Variants in MAN2A1 observed in about 807,000 individuals in gnomAD.
MAN2A1 encodes the protein mannosidase alpha class 2A member 1.
A neutral mutation model predicts 142.6 loss-of-function variants in MAN2A1; 76 were observed. The ratio of observed to expected loss-of-function variants is 0.53; its 90% CI spans 0.44 to 0.65. The LOEUF (loss-of-function observed/expected upper bound fraction) is 0.65, where lower values mean the gene tolerates loss of function less well. MAN2A1 is among the 30% of genes least tolerant of loss of function. The probability of loss-of-function intolerance (pLI) is 0.00; values close to 1 mark genes in which losing one functional copy is unlikely to be tolerated. For synonymous variants in MAN2A1, 559 were observed against 473.2 expected, an observed-to-expected ratio of 1.18 and a Z score of -2.35; for missense variants, 1,311 against 1,365.1, an observed-to-expected ratio of 0.96 and a Z score of 0.62.
intron 5 of MAN2A1, among the ~76,000 whole-genome samples, chr5:109,759,962 T>TATAGATAG (rs1035592534): frequency 5.1e-3 from 250 of 49,480 alleles, no homozygotes; most frequent in Non-Finnish European, 6.1e-3. Context: ...TATATATATA[T>TATAGATAG]ATAGATAGAT....
At chr5:109,731,264 ATTC>A (rs992725646) in intron 4 of MAN2A1, among the ~76,000 whole-genome samples, 2 of 150,894 alleles carry the variant, frequency 1.3e-5, no homozygotes, top group African/African-American at 4.9e-5. Context: ...ATGATACATT[ATTC>A]TTTTTTTTTT....
intron 1 of MAN2A1, among the ~76,000 whole-genome samples, chr5:109,694,415 A>C (rs557283705): frequency 2.0e-4 from 31 of 151,234 alleles, no homozygotes; most frequent in African/African-American, 7.5e-4. Flanking sequence ...ATCACAGCTT[A>C]CTGCAGTGGC....
intron 20 of MAN2A1, among the ~76,000 whole-genome samples, chr5:109,861,977 A>G (rs1244221062): frequency 6.6e-6 from 1 of 152,208 alleles, no homozygotes; most frequent in Non-Finnish European, 1.5e-5. Flanking sequence ...ATATTTTAAT[A>G]CAAACTTATA....
At chr5:109,721,498 G>A (rs1423655019) in intron 3 of MAN2A1, among the ~76,000 whole-genome samples, 3 of 152,124 alleles carry the variant, frequency 2.0e-5, no homozygotes, top group Admixed American at 1.3e-4. Flanking sequence ...ATCACATGCA[G>A]CATGCTTATA....
chr5:109,858,466 G>A (rs1251225231), intron 20 of MAN2A1, among the ~76,000 whole-genome samples: 3 of 152,310 alleles, frequency 2.0e-5, no homozygotes, highest in African/African-American at 7.2e-5. Flanking sequence ...ATGACTCAAT[G>A]AATAAGTACA....
chr5:109,765,085 A>T lies in MAN2A1; in HGVS notation c.836-2450A>T, dbSNP rs1408264172. Among the ~76,000 whole-genome samples the T allele has an allele frequency of 2.0e-5, 3 of 152,184 alleles. No homozygotes were observed. In the East Asian group the frequency reaches 5.8e-4, roughly 29 times the overall value. On this transcript the variant is annotated intron_variant, in intron 5 of 21. Transcript: ENST00000261483. ...TCAAATCAGGAATGTTAACAGTGAT[A>T]CAGTAGGACAGTGTAGTCCACAGGC... is the stretch of plus-strand genomic sequence containing the variant.
intron 16 of MAN2A1, among the ~76,000 whole-genome samples, chr5:109,835,573 G>A (rs367597561): frequency 5.3e-4 from 81 of 152,258 alleles, no homozygotes; most frequent in South Asian, 2.3e-3. Context: ...CTAGGTGACC[G>A]TGGGCCATTT....
chr5:109,828,713 G>A (rs1432666730), intron 16 of MAN2A1, among the ~76,000 whole-genome samples: 1 of 152,160 alleles, frequency 6.6e-6, no homozygotes, highest in Non-Finnish European at 1.5e-5. Flanking sequence ...CATCTTAAAT[G>A]CAATACTTCT....
intron 1 of MAN2A1, among the ~76,000 whole-genome samples, chr5:109,696,112 T>G (rs545722638): frequency 6.6e-6 from 1 of 152,174 alleles, no homozygotes; most frequent in South Asian, 2.1e-4. Flanking sequence ...TATATCTTTT[T>G]TTTTTTTGAG....
intron 13 of MAN2A1, among the ~76,000 whole-genome samples, chr5:109,818,971 T>A (rs527451380): frequency 6.2e-4 from 94 of 152,332 alleles, no homozygotes; most frequent in African/African-American, 2.2e-3. Context: ...TCAAGTCCTT[T>A]ATATAAAATG....
At chr5:109,692,884 C>A (rs1343392044) in intron 1 of MAN2A1, among the ~76,000 whole-genome samples, 2 of 152,072 alleles carry the variant, frequency 1.3e-5, no homozygotes, top group African/African-American at 4.8e-5. Flanking sequence ...TCATAAGGAC[C>A]ATGCAGCCTA....
At chr5:109,795,872 C>T (rs1561516158) in intron 12 of MAN2A1, among the ~76,000 whole-genome samples, 1 of 152,050 alleles carries the variant, frequency 6.6e-6, no homozygotes, top group Non-Finnish European at 1.5e-5. Context: ...ATTTAATTGA[C>T]CAAGTAGATC....
intron 12 of MAN2A1, among the ~76,000 whole-genome samples, chr5:109,790,521 C>T (rs557582296): frequency 2.2e-4 from 34 of 151,890 alleles, no homozygotes; most frequent in African/African-American, 8.2e-4. Flanking sequence ...CGGCAGAAGC[C>T]TTAGGAGCTT....
rs1489207030 is a variant in MAN2A1, at chr5:109,784,778, C to G, written c.1612C>G (p.Gln538Glu). The change falls in exon 10 of 22, where the codon CAA (glutamine) becomes GAA (glutamate). Residue 538 changes from glutamine to glutamate, a missense_variant. Physicochemically the swap from Gln to Glu is conservative, Grantham distance 29. This residue lies in a region of MAN2A1 where 890 missense variants were observed against 920.5 expected (regional missense o/e 0.97). Coordinates refer to ENST00000261483, the MANE Select transcript of MAN2A1 (RefSeq NM_002372.4). ...AATTCTTTACTATTTCGCCCTGAGA[C>G]AAGCTCACAAATACAAGATAAATAA... ...AEILYYFALR[Q>E]AHKYKINKFL... is the part of the protein sequence containing the mutation. The G allele has an allele frequency of 2.5e-6, 4 of 1,606,360 alleles. No homozygotes were observed. The South Asian group carries it at 3.4e-5, about 14-fold the overall frequency.
intron 4 of MAN2A1, among the ~76,000 whole-genome samples, chr5:109,734,349 GTT>G (rs1220684268): frequency 6.7e-6 from 1 of 148,370 alleles, no homozygotes; most frequent in Non-Finnish European, 1.5e-5. Flanking sequence ...TTTTTGAAGA[GTT>G]TTTTGTGTCT....
chr5:109,788,812 A>T, intron 10 of MAN2A1, 122 bp from the exon 11 acceptor site: 1 of 599,500 alleles, frequency 1.7e-6, no homozygotes, highest in South Asian at 2.2e-5. Flanking sequence ...TAGATTCATT[A>T]TAGGTTTCAC....
At chr5:109,731,142 C>G (rs1342572322) in intron 4 of MAN2A1, among the ~76,000 whole-genome samples, 1 of 151,900 alleles carries the variant, frequency 6.6e-6, no homozygotes. Flanking sequence ...TTAATATAAG[C>G]ATATAATATA....
At chr5:109,730,529 T>C (rs2112585432) in intron 4 of MAN2A1, among the ~76,000 whole-genome samples, 1 of 147,454 alleles carries the variant, frequency 6.8e-6, no homozygotes, top group East Asian at 1.9e-4. Flanking sequence ...CCTAATTTCA[T>C]TTTTTACCAT....
intron 3 of MAN2A1, among the ~76,000 whole-genome samples, chr5:109,717,063 AT>A (rs371206769): frequency 1.7e-3 from 245 of 145,656 alleles, no homozygotes; most frequent in African/African-American, 4.3e-3. Flanking sequence ...TAGTTGCAGC[AT>A]TTTTTTTTTT....
Sources: allele counts gnomAD v4.1 joint callset (sites outside exome capture counted in the v4.1 genomes callset), GRCh38; gene constraint gnomAD v4.1.1; regional missense constraint gnomAD v4.1.1; transcripts MANE v1.5; gene names NCBI Gene and HGNC (gene_info 2026-07-23, HGNC 2026-07-21).